The following KLRG1 variants were observed in gnomAD, a reference collection of about 807,000 sequenced individuals.
KLRG1 encodes killer cell lectin like receptor G1, also known as killer cell lectin-like receptor subfamily G member 1.
Under a neutral mutation model 21.8 loss-of-function variants are expected in KLRG1, and 16 were observed. That is an observed-to-expected ratio of 0.73 (90% CI 0.50 to 1.11). The LOEUF (loss-of-function observed/expected upper bound fraction) is 1.11. KLRG1 is among the 50% of genes most tolerant of loss of function. The pLI, the probability that KLRG1 is intolerant of heterozygous loss-of-function variation, is 0.00. For synonymous variants in KLRG1, 69 were observed against 75.9 expected (o/e 0.91, Z 0.47); for missense variants, 173 against 218.3 (o/e 0.79, Z 1.31).
the KLRG1 span, among the ~76,000 whole-genome samples, chr12:9,062,499 A>G: frequency 6.8e-6 from 1 of 146,932 alleles, no homozygotes; most frequent in African/African-American, 2.5e-5. Context: ...TTGTATAAAG[A>G]ATCACCTGAC....
the KLRG1 span, among the ~76,000 whole-genome samples, chr12:9,034,091 C>T: frequency 6.6e-6 from 1 of 152,186 alleles, no homozygotes; most frequent in Non-Finnish European, 1.5e-5. Flanking sequence ...TGTATTGTAT[C>T]AGTCAGGTTT....
the KLRG1 span, chr12:9,099,372 AAC>A: frequency 6.4e-7 from 1 of 1,553,056 alleles, no homozygotes; most frequent in East Asian, 2.4e-5. Context: ...TATGATCTAA[AAC>A]ACACACCTTG....
chr12:9,063,918 C>A, the KLRG1 span, among the ~76,000 whole-genome samples: 1 of 152,206 alleles, frequency 6.6e-6, no homozygotes, highest in South Asian at 2.1e-4. Context: ...ACAAGCATAT[C>A]CTTAAAGTAC....
Position 9,009,025 on chromosome 12 carries a change from G to T in KLRG1, c.408G>T (p.Arg136Ser). ...AGGCCTTTTGCTGGATTGGTCTGAG[G>T]AACAATTCTGGCTGGAGGTGGGAAG... Reference protein sequence around the residue: ...LSEAFCWIGLRNNSGWRWEDG... With the variant: ...LSEAFCWIGLSNNSGWRWEDG... The change falls in exon 4 of 5, where the codon AGG (arginine) becomes AGT (serine). Residue 136 changes from arginine (R) to serine (S), a missense_variant. Physicochemically the swap from Arg to Ser is moderately radical, Grantham distance 110. Transcript: ENST00000356986. The T allele has an allele frequency of 6.2e-7, 1 of 1,613,864 alleles. No homozygotes were observed. Among genetic ancestry groups the T allele is most frequent in the Non-Finnish European group, 8.5e-7 (1 of 1,179,932 alleles).
At chr12:9,185,165 A>C in the KLRG1 span, among the ~76,000 whole-genome samples, 1 of 152,224 alleles carries the variant, frequency 6.6e-6, no homozygotes, top group Non-Finnish European at 1.5e-5. Flanking sequence ...AACCTAATCT[A>C]AGGAAGCTAA....
At chr12:9,106,974 C>G in the KLRG1 span, among the ~76,000 whole-genome samples, 1 of 152,152 alleles carries the variant, frequency 6.6e-6, no homozygotes, top group Non-Finnish European at 1.5e-5. Flanking sequence ...TTTAGGGTGC[C>G]TACCAACTCA....
At chr12:9,187,572 T>A in the KLRG1 span, among the ~76,000 whole-genome samples, 2 of 152,332 alleles carry the variant, frequency 1.3e-5, no homozygotes, top group African/African-American at 2.4e-5. Flanking sequence ...AACCTGCTCC[T>A]GCATGACTTT....
At chr12:9,037,870 T>C in the KLRG1 span, among the ~76,000 whole-genome samples, 1 of 152,324 alleles carries the variant, frequency 6.6e-6, no homozygotes, top group East Asian at 1.9e-4. Flanking sequence ...GGCTCTTCCA[T>C]CTAGGTTTGT....
chr12:8,994,536 G>A (rs902084195), intron 2 of KLRG1, among the ~76,000 whole-genome samples: 1 of 152,194 alleles, frequency 6.6e-6, no homozygotes, highest in Non-Finnish European at 1.5e-5. Context: ...TCTTTTTGCT[G>A]AGGTATAAGG....
At chr12:8,971,737 T>C (rs1267621748) in intron 1 of KLRG1, among the ~76,000 whole-genome samples, 5 of 152,136 alleles carry the variant, frequency 3.3e-5, no homozygotes, top group South Asian at 4.1e-4. Flanking sequence ...GTGATCCGCC[T>C]GCCTCGGCCT....
chr12:9,135,805 A>G, the KLRG1 span, among the ~76,000 whole-genome samples: 31 of 152,320 alleles, frequency 2.0e-4, no homozygotes, highest in Non-Finnish European at 4.0e-4. Context: ...GTAAATGATC[A>G]CTTTATTTGC....
the KLRG1 span, among the ~76,000 whole-genome samples, chr12:9,083,169 T>G: frequency 1.3e-5 from 2 of 151,916 alleles, no homozygotes; most frequent in African/African-American, 4.8e-5. Flanking sequence ...ATGTTCTCAC[T>G]CATAGGTGGG....
chr12:8,974,237 G>A (rs1273043705), intron 1 of KLRG1, among the ~76,000 whole-genome samples: 2 of 150,986 alleles, frequency 1.3e-5, no homozygotes, highest in Non-Finnish European at 1.5e-5. Flanking sequence ...GCGCGATCTC[G>A]GCTCACTGCA....
At chr12:9,134,110 C>T in the KLRG1 span, among the ~76,000 whole-genome samples, 2 of 152,190 alleles carry the variant, frequency 1.3e-5, no homozygotes, top group Non-Finnish European at 2.9e-5. Context: ...AGGAAGTCTA[C>T]AGAACTCTTC....
the KLRG1 span, among the ~76,000 whole-genome samples, chr12:9,149,260 G>A: frequency 1.3e-5 from 2 of 152,236 alleles, no homozygotes; most frequent in African/African-American, 4.8e-5. Flanking sequence ...GGTTTTAGGT[G>A]TGTGATTAGT....
the KLRG1 span, chr12:9,164,139 T>A: frequency 6.2e-7 from 1 of 1,610,992 alleles, no homozygotes; most frequent in Non-Finnish European, 8.5e-7. Flanking sequence ...TCACCCAGAG[T>A]TTTAGGAGTC....
At chr12:9,045,417 C>A in the KLRG1 span, among the ~76,000 whole-genome samples, 1 of 152,118 alleles carries the variant, frequency 6.6e-6, no homozygotes, top group Non-Finnish European at 1.5e-5. Flanking sequence ...CATAAAACCT[C>A]ATGATAACTT....
chr12:8,993,400 T>C (rs1947035592), intron 2 of KLRG1, among the ~76,000 whole-genome samples: 1 of 152,114 alleles, frequency 6.6e-6, no homozygotes, highest in African/African-American at 2.4e-5. Context: ...GCGATTCTCA[T>C]GCCTCAGCCT....
At position 9,010,182 on chromosome 12, in the gene KLRG1, T is replaced by G; in HGVS notation, c.*645T>G. ...GCCTGGGAGATAGAGCAAGACTCCA[T>G]CTCTAAAAAAAAAAAAAAATGCTAA... On this transcript the variant is annotated 3_prime_UTR_variant, in exon 5 of 5. Transcript: ENST00000356986. 2.1e-6 allele frequency: 1 copy of G among 466,904 alleles called. No homozygotes were observed. The highest frequency in any genetic ancestry group is 3.7e-6 in the Non-Finnish European group (1 of 269,578). The allele number at this position is 466,904 out of a possible 1,614,324, so 28.9% of individuals were successfully genotyped here.
Sources: allele counts gnomAD v4.1 joint callset (sites outside exome capture counted in the v4.1 genomes callset), GRCh38; gene constraint gnomAD v4.1.1; transcripts MANE v1.5; gene names NCBI Gene and HGNC (gene_info 2026-07-23, HGNC 2026-07-21).